GCNT1: variants seen among roughly 807,000 people sequenced by gnomAD.
GCNT1 encodes glucosaminyl (N-acetyl) transferase 1.
Under a neutral mutation model 26.2 loss-of-function variants are expected in GCNT1, and 16 were observed. The ratio of observed to expected loss-of-function variants is 0.61; its 90% confidence interval spans 0.41 to 0.93. GCNT1 has a LOEUF of 0.93. Among genes scored for constraint, GCNT1 ranks in the 40% least tolerant of loss-of-function variants. The pLI, the probability that GCNT1 is intolerant of heterozygous loss-of-function variation, is 0.00. For synonymous variants in GCNT1, 183 were observed against 190.8 expected (o/e 0.96, Z 0.34); for missense variants, 477 against 526.7 (o/e 0.91, Z 0.92).
chr9:76,472,294 G>A (rs1824148368), intron 2 of GCNT1, among the ~76,000 whole-genome samples: 1 of 152,122 alleles, frequency 6.6e-6, no homozygotes, highest in Non-Finnish European at 1.5e-5. Flanking sequence ...AAGAAAAAAA[G>A]GAAATGAGAA....
At chr9:76,450,597 A>G (rs977564055) in intron 1 of GCNT1, among the ~76,000 whole-genome samples, 1 of 152,194 alleles carries the variant, frequency 6.6e-6, no homozygotes, top group Non-Finnish European at 1.5e-5. Context: ...CAACTTTGCC[A>G]ATCTGATAGG....
At chr9:76,396,328 G>T in the GCNT1 span, among the ~76,000 whole-genome samples, 13 of 152,210 alleles carry the variant, frequency 8.5e-5, no homozygotes, top group African/African-American at 2.9e-4. Context: ...GGTGGCTTAC[G>T]CCTGTAATCC....
At chr9:76,468,188 C>T (rs761636191) in intron 2 of GCNT1, among the ~76,000 whole-genome samples, 2 of 152,050 alleles carry the variant, frequency 1.3e-5, no homozygotes, top group East Asian at 1.9e-4. Flanking sequence ...TGAGTCACCG[C>T]GCGCCGACCC....
intron 1 of GCNT1, among the ~76,000 whole-genome samples, chr9:76,421,261 T>A (rs1360702574): frequency 6.6e-6 from 1 of 152,026 alleles, no homozygotes; most frequent in Admixed American, 6.6e-5. Flanking sequence ...ATAAATAAAC[T>A]TGTTAGATTT....
At chr9:76,461,740 T>G (rs1823874297) in intron 2 of GCNT1, among the ~76,000 whole-genome samples, 1 of 151,452 alleles carries the variant, frequency 6.6e-6, no homozygotes, top group African/African-American at 2.4e-5. Context: ...TATTCAAAAA[T>G]TAGCCAGGTG....
Position 76,503,885 on chromosome 9 carries a change from G to A in GCNT1, c.*217G>A. The A allele has an allele frequency of 1.8e-6, 1 of 563,348 alleles. No individual in the cohort carries two copies. Among genetic ancestry groups the A allele is most frequent in the Non-Finnish European group, 3.3e-6 (1 of 305,552 alleles). 34.9% of individuals were successfully genotyped at this position (563,348 alleles called of 1,614,324 possible). On this transcript the variant is annotated 3_prime_UTR_variant, in exon 4 of 4. Transcript: ENST00000376730. ...TGTTCATCTAGAGTTAATAGTGGGA[G>A]GAGTAAAGGTAGCCTTGAGGCCAGA...
upstream of GCNT1, among the ~76,000 whole-genome samples, chr9:76,438,038 T>G (rs1005717428): frequency 5.9e-5 from 9 of 152,238 alleles, no homozygotes; most frequent in African/African-American, 1.9e-4. Context: ...ACAAATAAAA[T>G]TTTTGTCCAT....
chr9:76,501,184 T>G (rs1162680095), intron 3 of GCNT1, 123 bp downstream of exon 3: 1 of 152,234 alleles, frequency 6.6e-6, no homozygotes, highest in Non-Finnish European at 1.5e-5. Flanking sequence ...TTTCTGGCAT[T>G]AAAAACTCGT....
rs752530181 is a variant in GCNT1 at position 76,503,655 on chromosome 9, C to T, written c.1274C>T (p.Thr425Ile). 7.4e-6 allele frequency: 12 copies of T among 1,611,984 alleles called. No homozygotes were observed. The highest frequency in any genetic ancestry group is 4.0e-5 in the African/African-American group (3 of 74,894). The part of the protein sequence containing the change: ...DEHLRHKALE[T>I]LKH ...CATTTGAGACACAAAGCTTTGGAGA[C>T]ATTAAAACACTGACCATTACGGGCA... Residue 425 changes from threonine (T) to isoleucine (I), a missense_variant, in exon 4 of 4, where the codon ACA (threonine) becomes ATA (isoleucine). Thr to Ile is a moderately conservative substitution (Grantham distance 89). Coordinates refer to ENST00000376730, the MANE Select transcript of GCNT1 (RefSeq NM_001490.5).
upstream of GCNT1, among the ~76,000 whole-genome samples, chr9:76,439,227 T>C (rs558513867): frequency 6.3e-5 from 9 of 143,314 alleles, no homozygotes; most frequent in South Asian, 1.6e-3. Flanking sequence ...CTTTTTCTTT[T>C]TTTTTTTTTT....
chr9:76,431,634 C>A (rs1243392147), intron 1 of GCNT1, among the ~76,000 whole-genome samples: 1 of 152,128 alleles, frequency 6.6e-6, no homozygotes, highest in Non-Finnish European at 1.5e-5. Context: ...TAATCACTGT[C>A]CACTTGATTG....
the GCNT1 span, among the ~76,000 whole-genome samples, chr9:76,411,697 CTTTTTTTTTTT>C: frequency 1.8e-4 from 15 of 83,644 alleles, no homozygotes; most frequent in South Asian, 4.4e-4. Context: ...ATCAATTATA[CTTTTTTTTTTT>C]TTTTTTTTTT....
intron 3 of GCNT1, among the ~76,000 whole-genome samples, chr9:76,501,592 G>T (rs374790081): frequency 5.7e-4 from 87 of 152,274 alleles, no homozygotes; most frequent in African/African-American, 2.0e-3. Context: ...GTCCCAAACG[G>T]GGCTTTGTTT....
chr9:76,476,899 T>C (rs1421357005), intron 2 of GCNT1, among the ~76,000 whole-genome samples: 1 of 152,088 alleles, frequency 6.6e-6, no homozygotes, highest in Non-Finnish European at 1.5e-5. Flanking sequence ...CTGTCTTCTC[T>C]TAAATTAATT....
chr9:76,401,940 G>A, the GCNT1 span, among the ~76,000 whole-genome samples: 3 of 152,202 alleles, frequency 2.0e-5, no homozygotes, highest in Admixed American at 6.5e-5. Flanking sequence ...GAAAGGACAA[G>A]ACAGAGGAAA....
intron 1 of GCNT1, among the ~76,000 whole-genome samples, chr9:76,431,724 C>T (rs1438991219): frequency 6.6e-6 from 1 of 152,162 alleles, no homozygotes; most frequent in Admixed American, 6.6e-5. Flanking sequence ...TCAAATTAAG[C>T]GGTTGGTCTT....
intron 2 of GCNT1, among the ~76,000 whole-genome samples, chr9:76,492,851 G>T (rs796656705): frequency 6.6e-5 from 10 of 152,014 alleles, no homozygotes; most frequent in African/African-American, 2.2e-4. Context: ...CTCTGATCCC[G>T]CTTTTCCTTT....
intron 2 of GCNT1, among the ~76,000 whole-genome samples, chr9:76,463,184 A>C (rs920578715): frequency 2.0e-5 from 3 of 152,172 alleles, no homozygotes; most frequent in African/African-American, 7.2e-5. Context: ...ATGCCTCCTT[A>C]GCTGGGGATT....
intron 1 of GCNT1, chr9:76,419,986 C>T (rs1366174239): frequency 6.6e-6 from 1 of 152,306 alleles, no homozygotes; most frequent in Non-Finnish European, 1.5e-5. Context: ...GCACCCTCTA[C>T]TGGAGAAATG....
Sources: gnomAD v4.1 joint callset for allele counts (sites outside exome capture counted in the v4.1 genomes callset) on GRCh38, gnomAD v4.1.1 for gene constraint, MANE v1.5 for transcripts, NCBI Gene and HGNC (gene_info 2026-07-23, HGNC 2026-07-21) for gene names.